The following CCSER1 variants were observed in gnomAD, a reference collection of about 807,000 sequenced individuals.
CCSER1 encodes the protein serine-rich coiled-coil domain-containing protein 1.
A neutral mutation model predicts 82.0 loss-of-function variants in CCSER1; 41 were observed. The ratio of observed to expected loss-of-function variants is 0.50; its 90% CI spans 0.39 to 0.65. The LOEUF (loss-of-function observed/expected upper bound fraction) is 0.65. Among genes scored for constraint, CCSER1 ranks in the 30% least tolerant of loss-of-function variants. The pLI, the probability that CCSER1 is intolerant of heterozygous loss-of-function variation, is 0.00. For missense variants in CCSER1, 1,119 were observed against 1,064.2 expected (o/e 1.05, Z -0.72); for synonymous variants, 414 against 383.9 (o/e 1.08, Z -0.92).
chr4:90,227,179 A>G (rs1743330269), intron 1 of CCSER1, among the ~76,000 whole-genome samples: 1 of 152,202 alleles, frequency 6.6e-6, no homozygotes, highest in African/African-American at 2.4e-5. Context: ...TGAGCAAGGT[A>G]CAGTTGAGAG....
chr4:90,324,490 G>A (rs1011350347), intron 3 of CCSER1, among the ~76,000 whole-genome samples: 31 of 149,890 alleles, frequency 2.1e-4, no homozygotes, highest in African/African-American at 7.2e-4. Context: ...GTCTGTTCAT[G>A]TCCTTCGCCC....
At chr4:90,353,134 C>T (rs980174475) in intron 3 of CCSER1, among the ~76,000 whole-genome samples, 2 of 152,150 alleles carry the variant, frequency 1.3e-5, no homozygotes, top group Non-Finnish European at 2.9e-5. Context: ...ACATCTGAGG[C>T]TATATCTTAA....
At chr4:91,098,952 T>G (rs549505212) in intron 10 of CCSER1, among the ~76,000 whole-genome samples, 3 of 152,332 alleles carry the variant, frequency 2.0e-5, no homozygotes, top group South Asian at 2.1e-4. Flanking sequence ...CAAAAATCAT[T>G]AAGCACTATT....
At chr4:90,784,927 A>G (rs1754269816) in intron 7 of CCSER1, among the ~76,000 whole-genome samples, 1 of 152,218 alleles carries the variant, frequency 6.6e-6, no homozygotes, top group African/African-American at 2.4e-5. Flanking sequence ...AGATTATCAT[A>G]AGCATCTTTA....
intron 10 of CCSER1, among the ~76,000 whole-genome samples, chr4:91,112,409 C>T (rs989156543): frequency 1.3e-5 from 2 of 151,838 alleles, no homozygotes; most frequent in African/African-American, 4.8e-5. Context: ...TATTTATTTA[C>T]TTGTTGGATA....
chr4:90,620,340 T>A (rs1195927135), intron 5 of CCSER1, among the ~76,000 whole-genome samples: 1 of 152,132 alleles, frequency 6.6e-6, no homozygotes, highest in Non-Finnish European at 1.5e-5. Context: ...AGTCTCTGTG[T>A]GACAGTTAGA....
chr4:91,079,993 C>T (rs1722519018), intron 9 of CCSER1, among the ~76,000 whole-genome samples: 1 of 152,146 alleles, frequency 6.6e-6, no homozygotes, highest in African/African-American at 2.4e-5. Flanking sequence ...CCCCTGTCAA[C>T]ATTAGACAGA....
At chr4:91,343,555 G>A (rs1029404419) in intron 10 of CCSER1, among the ~76,000 whole-genome samples, 1 of 152,040 alleles carries the variant, frequency 6.6e-6, no homozygotes, top group Non-Finnish European at 1.5e-5. Flanking sequence ...TCACTAAGTT[G>A]GATTATACCA....
chr4:91,240,303 T>C (rs1370737791), intron 10 of CCSER1, among the ~76,000 whole-genome samples: 1 of 64,430 alleles, frequency 1.6e-5, no homozygotes, highest in Non-Finnish European at 2.7e-5. Flanking sequence ...GTCTCGATCT[T>C]CTGACCACGT....
At chr4:91,421,844 AG>A (rs1560658178) in intron 10 of CCSER1, among the ~76,000 whole-genome samples, 1 of 151,732 alleles carries the variant, frequency 6.6e-6, no homozygotes, top group African/African-American at 2.4e-5. Context: ...GAATGATAAA[AG>A]GAAAGGCAGG....
At chr4:90,489,080 A>G (rs1274445543) in intron 5 of CCSER1, among the ~76,000 whole-genome samples, 1 of 152,186 alleles carries the variant, frequency 6.6e-6, no homozygotes, top group Non-Finnish European at 1.5e-5. Flanking sequence ...AATAATTAAT[A>G]CTATGGGTAG....
chr4:91,567,371 G>A (rs867052638), intron 10 of CCSER1, among the ~76,000 whole-genome samples: 5 of 152,052 alleles, frequency 3.3e-5, no homozygotes, highest in South Asian at 2.1e-4. Flanking sequence ...TTTTAAGGTG[G>A]AGAGTTATGT....
intron 10 of CCSER1, among the ~76,000 whole-genome samples, chr4:91,459,366 T>C (rs1031501876): frequency 2.6e-5 from 4 of 152,126 alleles, no homozygotes; most frequent in African/African-American, 7.2e-5. Context: ...TATATATGTA[T>C]ATAGGCATGA....
chr4:90,886,357 GA>G (rs1359748243), intron 8 of CCSER1, among the ~76,000 whole-genome samples: 2 of 151,466 alleles, frequency 1.3e-5, no homozygotes, highest in African/African-American at 4.9e-5. Context: ...TCTTATCATG[GA>G]AAAAAAATCA....
chr4:90,338,031 G>C (rs1334532676), intron 3 of CCSER1, among the ~76,000 whole-genome samples: 1 of 152,140 alleles, frequency 6.6e-6, no homozygotes, highest in Admixed American at 6.5e-5. Context: ...CCATATTGAT[G>C]AATTTTTTAT....
chr4:90,704,613 A>G (rs919184164), intron 6 of CCSER1, among the ~76,000 whole-genome samples: 3 of 152,146 alleles, frequency 2.0e-5, no homozygotes, highest in Non-Finnish European at 4.4e-5. Flanking sequence ...AGGTATACCA[A>G]TCAGACCTAG....
At chr4:90,150,061 C>T (rs1487762825) in intron 1 of CCSER1, among the ~76,000 whole-genome samples, 2 of 152,086 alleles carry the variant, frequency 1.3e-5, no homozygotes, top group Admixed American at 1.3e-4. Context: ...GGTTGGCCCT[C>T]CATATAGGGG....
At chr4:91,167,219 C>T (rs114696178) in intron 10 of CCSER1, among the ~76,000 whole-genome samples, 2,207 of 134,426 alleles carry the variant, frequency 0.016, 37 homozygotes, top group African/African-American at 0.047. Flanking sequence ...CGGCTTCTCA[C>T]GCTGTCACAC....
At chr4:90,419,215 G>A (rs1160967159) in intron 4 of CCSER1, among the ~76,000 whole-genome samples, 1 of 151,924 alleles carries the variant, frequency 6.6e-6, no homozygotes, top group Non-Finnish European at 1.5e-5. Flanking sequence ...GTCACTTTGT[G>A]TGTTTCATCA....
Sources: gnomAD v4.1 joint callset for allele counts (sites outside exome capture counted in the v4.1 genomes callset) on GRCh38, gnomAD v4.1.1 for gene constraint, MANE v1.5 for transcripts, NCBI Gene and HGNC (gene_info 2026-07-23, HGNC 2026-07-21) for gene names.